TMEM163: variants seen among roughly 807,000 people sequenced by gnomAD.
TMEM163 encodes transmembrane protein 163.
TMEM163 carries 17 observed loss-of-function variants against 29.3 expected under a neutral mutation model. That is an observed-to-expected ratio of 0.58 (90% CI 0.40 to 0.87). The LOEUF (loss-of-function observed/expected upper bound fraction) is 0.87, where lower values mean the gene tolerates loss of function less well. Ranked by LOEUF, TMEM163 falls within the 40% of genes least tolerant of loss-of-function variation. The pLI is 0.00. For missense variants in TMEM163, 303 were observed against 381.5 expected (o/e 0.79, Z 1.71); for synonymous variants, 157 against 160.6 (o/e 0.98, Z 0.17).
In TMEM163 at chr2:134,689,449, A is replaced by G. The variant is rs560619180; in HGVS notation, c.322+23751T>C. ...CATGAGAGTCACATTTGTGACTAGAATTATATTTTGTTTCTATTGGACAGC... is the reference window on the plus strand; with the variant it reads ...CATGAGAGTCACATTTGTGACTAGAGTTATATTTTGTTTCTATTGGACAGC... On this transcript the variant is annotated intron_variant, in intron 2 of 7. Transcript: ENST00000281924. Among the ~76,000 whole-genome samples, 4 of 152,234 alleles carry G rather than the reference A, an allele frequency of 2.6e-5. No individual in the cohort carries two copies. The South Asian group carries it at 8.3e-4, about 32-fold the overall frequency.
At chr2:134,714,785 G>GA (rs1311842107) in intron 1 of TMEM163, among the ~76,000 whole-genome samples, 28 of 152,086 alleles carry the variant, frequency 1.8e-4, no homozygotes. Context: ...GACTTGGAGG[G>GA]AAAAAATAAA....
At chr2:134,457,910 CAGGAG>C in intron 7 of TMEM163, 117 bp downstream of exon 7, 1 of 1,495,438 alleles carries the variant, frequency 6.7e-7, no homozygotes, top group South Asian at 1.3e-5. Context: ...TGGTCAGGCT[CAGGAG>C]GGGCACAGGT....
chr2:134,682,760 G>A (rs1206072313), intron 2 of TMEM163, among the ~76,000 whole-genome samples: 1 of 152,120 alleles, frequency 6.6e-6, no homozygotes, highest in African/African-American at 2.4e-5. Context: ...CAAAAATTGT[G>A]CTCCTTGGTA....
At chr2:134,484,789 T>C (rs1438613537) in intron 5 of TMEM163, among the ~76,000 whole-genome samples, 1 of 152,042 alleles carries the variant, frequency 6.6e-6, no homozygotes, top group Non-Finnish European at 1.5e-5. Flanking sequence ...GGGGGAATGG[T>C]TAAAGGGTCA....
At chr2:134,633,277 T>C (rs1683022069) in intron 2 of TMEM163, among the ~76,000 whole-genome samples, 1 of 151,838 alleles carries the variant, frequency 6.6e-6, no homozygotes, top group Non-Finnish European at 1.5e-5. Flanking sequence ...TGGCCTGGGG[T>C]TGGAGTGGCA....
At chr2:134,588,465 G>A (rs1681867715) in intron 2 of TMEM163, among the ~76,000 whole-genome samples, 1 of 152,132 alleles carries the variant, frequency 6.6e-6, no homozygotes, top group Non-Finnish European at 1.5e-5. Context: ...TAAACCCGAT[G>A]AAACTGGAGT....
At chr2:134,553,314 C>A (rs1006915276) in intron 2 of TMEM163, among the ~76,000 whole-genome samples, 4 of 152,188 alleles carry the variant, frequency 2.6e-5, no homozygotes, top group South Asian at 2.1e-4. Flanking sequence ...TCCACAAGGT[C>A]CAGGGACAGT....
chr2:134,644,879 C>T (rs1437765360), intron 2 of TMEM163, among the ~76,000 whole-genome samples: 1 of 152,144 alleles, frequency 6.6e-6, no homozygotes, highest in East Asian at 1.9e-4. Flanking sequence ...CACCAAAGGT[C>T]ATGGATTCAG....
chr2:134,467,302 G>C (rs1193872353), intron 5 of TMEM163: 1 of 152,090 alleles, frequency 6.6e-6, no homozygotes, highest in African/African-American at 2.4e-5. Flanking sequence ...CTTGAGTTTG[G>C]GCTGGACTTA....
chr2:134,697,192 TCC>T (rs969578695), intron 2 of TMEM163, among the ~76,000 whole-genome samples: 3 of 152,108 alleles, frequency 2.0e-5, no homozygotes, highest in African/African-American at 7.2e-5. Flanking sequence ...TCCTCCCCAA[TCC>T]ATATACAGTA....
At chr2:134,646,544 A>T (rs1379925442) in intron 2 of TMEM163, among the ~76,000 whole-genome samples, 1 of 152,114 alleles carries the variant, frequency 6.6e-6, no homozygotes, top group Non-Finnish European at 1.5e-5. Context: ...TCCCAGGTTC[A>T]GGTGATTCTT....
intron 4 of TMEM163, among the ~76,000 whole-genome samples, chr2:134,525,460 G>A (rs112935031): frequency 0.026 from 4,030 of 152,278 alleles, 172 homozygotes; most frequent in African/African-American, 0.091. Flanking sequence ...ATCGCCTCTA[G>A]ATTAAAGAAG....
intron 1 of TMEM163, 146 bp from the exon 2 acceptor site, chr2:134,713,465 T>C: frequency 8.5e-7 from 1 of 1,173,462 alleles, no homozygotes; most frequent in Non-Finnish European, 1.2e-6. Context: ...GTTTTAACAA[T>C]TAGATTTCAC....
intron 2 of TMEM163, among the ~76,000 whole-genome samples, chr2:134,661,541 T>C (rs1352547314): frequency 1.3e-5 from 2 of 152,252 alleles, no homozygotes; most frequent in Non-Finnish European, 2.9e-5. Context: ...ATGAAGATCG[T>C]GCAACCCTAT....
chr2:134,678,178 T>C (rs1449350498), intron 2 of TMEM163, among the ~76,000 whole-genome samples: 1 of 152,222 alleles, frequency 6.6e-6, no homozygotes, highest in East Asian at 1.9e-4. Context: ...GCTCCATTTC[T>C]GAGTCCAGCT....
intron 6 of TMEM163, among the ~76,000 whole-genome samples, chr2:134,461,471 C>G (rs1438224050): frequency 1.3e-5 from 2 of 152,144 alleles, no homozygotes; most frequent in African/African-American, 4.8e-5. Context: ...AGAGCGCTCC[C>G]CCAGTGCTCT....
chr2:134,696,165 T>C (rs560820300), intron 2 of TMEM163, among the ~76,000 whole-genome samples: 1 of 152,264 alleles, frequency 6.6e-6, no homozygotes, highest in South Asian at 2.1e-4. Context: ...TTTTTCCATA[T>C]AGACAGCCAA....
At chr2:134,692,738 C>T (rs1244581556) in intron 2 of TMEM163, among the ~76,000 whole-genome samples, 2 of 152,184 alleles carry the variant, frequency 1.3e-5, no homozygotes, top group Non-Finnish European at 2.9e-5. Context: ...GCCCTCATCA[C>T]CTCATCATCC....
chr2:134,706,430 A>G (rs1684813422), intron 2 of TMEM163, among the ~76,000 whole-genome samples: 1 of 152,298 alleles, frequency 6.6e-6, no homozygotes, highest in South Asian at 2.1e-4. Context: ...CGCCTGAAGA[A>G]GACGGGTCCT....
Sources: allele counts gnomAD v4.1 joint callset (sites outside exome capture counted in the v4.1 genomes callset), GRCh38; gene constraint gnomAD v4.1.1; transcripts MANE v1.5; gene names NCBI Gene and HGNC (gene_info 2026-07-23, HGNC 2026-07-21).